RFWD3: variants seen among roughly 807,000 people sequenced by gnomAD.
The protein encoded by RFWD3 is ring finger and WD repeat domain 3, also known as E3 ubiquitin-protein ligase RFWD3.
RFWD3 carries 65 observed loss-of-function variants against 87.7 expected under a neutral mutation model. That is an observed-to-expected ratio of 0.74 (90% CI 0.61 to 0.91). The LOEUF is 0.91. RFWD3 is among the 40% of genes least tolerant of loss of function. The pLI, the probability that RFWD3 is intolerant of heterozygous loss-of-function variation, is 0.00. For synonymous variants in RFWD3, 433 were observed against 352.8 expected, an observed-to-expected ratio of 1.23 and a Z score of -2.55; for missense variants, 1,078 against 938.5, an observed-to-expected ratio of 1.15 and a Z score of -1.94.
chr16:74,650,132 A>C (rs1368315645), intron 3 of RFWD3, among the ~76,000 whole-genome samples: 1 of 152,224 alleles, frequency 6.6e-6, no homozygotes, highest in African/African-American at 2.4e-5. Context: ...CTGTTACATA[A>C]AACATTAAAA....
intron 6 of RFWD3, among the ~76,000 whole-genome samples, chr16:74,641,820 G>A (rs1348150034): frequency 6.7e-6 from 1 of 150,350 alleles, no homozygotes; most frequent in African/African-American, 2.4e-5. Context: ...CGGCTACTTG[G>A]GAGACTGAGG....
At chr16:74,657,931 G>A (rs555349299) in intron 2 of RFWD3, among the ~76,000 whole-genome samples, 9 of 152,198 alleles carry the variant, frequency 5.9e-5, no homozygotes, top group East Asian at 1.9e-4. Flanking sequence ...GTGTTGACAC[G>A]TATATCAATA....
Position 74,628,587 on chromosome 16 carries a change from A to G in RFWD3, c.1834T>C (p.Leu612=). The change falls in exon 11 of 13, where the codon TTG becomes CTG. Residue 612 remains leucine, a synonymous_variant. Transcript: ENST00000361070. Reference sequence around the variant, plus strand: ...TGTTCCCAGAATGAAGCATCCTCCAAGGTTCCAGCCAGCACCCCACCATAT... The same window carrying G: ...TGTTCCCAGAATGAAGCATCCTCCAGGGTTCCAGCCAGCACCCCACCATAT... The part of the protein sequence containing the change: ...FPYGGVLAGT[L]EDASFWEQKM... The G allele has an allele frequency of 6.2e-7, 1 of 1,614,188 alleles. No individual in the cohort carries two copies. The highest frequency in any genetic ancestry group is 8.5e-7 in the Non-Finnish European group (1 of 1,180,042).
intron 6 of RFWD3, among the ~76,000 whole-genome samples, chr16:74,641,432 G>C (rs1463952955): frequency 6.6e-6 from 1 of 150,516 alleles, no homozygotes; most frequent in African/African-American, 2.5e-5. Flanking sequence ...CAAAGTGCTG[G>C]GATTATAGGT....
Position 74,636,358 on chromosome 16 carries a change from A to T in RFWD3, c.1414T>A (p.Ser472Thr). The change falls in exon 8 of 13, where the codon TCT becomes ACT. Residue 472 changes from serine (S) to threonine (T), a missense_variant. Physicochemically the swap from Ser to Thr is moderately conservative, Grantham distance 58. Coordinates refer to ENST00000361070, the MANE Select transcript of RFWD3 (RefSeq NM_018124.4). ...LVISQPSPQA[S>T]FLPGFGVKML... ...CTAGACTCTTTACCTGGAAGAAAAG[A>T]GGCCTGAGGAGAAGGCTGTGATATC... 1 of 1,613,686 alleles carries T rather than the reference A, an allele frequency of 6.2e-7. No individual in the cohort carries two copies. Among genetic ancestry groups the T allele is most frequent in the South Asian group, 1.1e-5 (1 of 91,062 alleles).
chr16:74,643,824 C>T (rs913103457), intron 6 of RFWD3, among the ~76,000 whole-genome samples: 4 of 151,790 alleles, frequency 2.6e-5, no homozygotes, highest in East Asian at 3.9e-4. Context: ...TACAGGCGTC[C>T]GCCACTATGC....
At chr16:74,653,344 A>C (rs1228165516) in intron 2 of RFWD3, among the ~76,000 whole-genome samples, 1 of 151,920 alleles carries the variant, frequency 6.6e-6, no homozygotes, top group African/African-American at 2.4e-5. Context: ...TCAACAACAA[A>C]AAAACAAAAA....
chr16:74,631,094 T>C (rs1959079154), intron 9 of RFWD3, 137 bp from the exon 10 acceptor site: 1 of 714,524 alleles, frequency 1.4e-6, no homozygotes, highest in Non-Finnish European at 2.1e-6. Flanking sequence ...GGATTCCCTA[T>C]TTTTTCTAGA....
chr16:74,644,532 G>T lies in RFWD3; in HGVS notation c.987+9C>A, dbSNP rs1959948336. The T allele has an allele frequency of 6.2e-7, 1 of 1,614,088 alleles. No individual in the cohort carries two copies. Among genetic ancestry groups the T allele is most frequent in the Non-Finnish European group, 8.5e-7 (1 of 1,179,970 alleles). The stretch of plus-strand genomic sequence containing the variant: ...AACATGTTAATGTGTCCTTACCTAT[G>T]GTCCTTACCTGGGGACATTTTCGTA... On this transcript the variant is annotated intron_variant, in intron 5 of 12. Coordinates refer to ENST00000361070, the MANE Select transcript of RFWD3 (RefSeq NM_018124.4).
intron 10 of RFWD3, among the ~76,000 whole-genome samples, chr16:74,630,500 G>C (rs1597412375): frequency 6.6e-6 from 1 of 152,226 alleles, no homozygotes; most frequent in Admixed American, 6.5e-5. Flanking sequence ...CTAAGTAGTG[G>C]AGCTGGGTTC....
chr16:74,634,807 GA>G (rs200124008), intron 8 of RFWD3, among the ~76,000 whole-genome samples: 12 of 144,184 alleles, frequency 8.3e-5, no homozygotes, highest in South Asian at 2.5e-4. Context: ...AGCCAGAGAG[GA>G]AAAAAAAAGG....
Position 74,633,762 on chromosome 16 carries a change from C to A in RFWD3, c.1427-1089G>T, listed in dbSNP as rs547738261. Among the ~76,000 whole-genome samples the A allele has an allele frequency of 3.9e-5, 6 of 152,078 alleles. No homozygotes were observed. The East Asian group carries it at 1.2e-3, about 29-fold the overall frequency. On this transcript the variant is annotated intron_variant, in intron 8 of 12. Transcript: ENST00000361070. ...ATCATGAGTTCGAGACCAGCCTGGG[C>A]AATATGGTGAAACCCTGTTGCTACA...
intron 8 of RFWD3, among the ~76,000 whole-genome samples, chr16:74,635,002 C>T (rs1376009229): frequency 6.6e-6 from 1 of 151,990 alleles, no homozygotes; most frequent in African/African-American, 2.4e-5. Context: ...TAGGCATAGC[C>T]GGGCGCGGTG....
chr16:74,647,534 C>G (rs1239214128), intron 4 of RFWD3, among the ~76,000 whole-genome samples: 1 of 152,112 alleles, frequency 6.6e-6, no homozygotes, highest in Non-Finnish European at 1.5e-5. Flanking sequence ...GTGACTCACC[C>G]ACCTTGACTT....
Position 74,626,567 on chromosome 16 carries a change from G to A in RFWD3, c.1970-13C>T. The A allele has an allele frequency of 6.2e-7, 1 of 1,608,590 alleles. No individual in the cohort carries two copies. Among genetic ancestry groups the A allele is most frequent in the Non-Finnish European group, 8.5e-7 (1 of 1,175,134 alleles). On this transcript the variant is annotated splice_polypyrimidine_tract_variant and intron_variant, in intron 11 of 12. Coordinates refer to ENST00000361070, the MANE Select transcript of RFWD3 (RefSeq NM_018124.4). ...GTGTGATTTTTATCTATGGGACAGA[G>A]AAATCAGTGCTGCACCATGGGGACG...
chr16:74,624,904 G>A (rs1057084481), intron 12 of RFWD3, among the ~76,000 whole-genome samples: 9 of 152,154 alleles, frequency 5.9e-5, no homozygotes, highest in Non-Finnish European at 8.8e-5. Context: ...AAGGAGGATT[G>A]CTTAAGCTGA....
intron 4 of RFWD3, among the ~76,000 whole-genome samples, chr16:74,647,517 T>C (rs1369848528): frequency 6.6e-6 from 1 of 151,596 alleles, no homozygotes; most frequent in Non-Finnish European, 1.5e-5. Context: ...CAAACTCCTG[T>C]GCTCAGGTGA....
intron 1 of RFWD3, among the ~76,000 whole-genome samples, chr16:74,666,111 A>G: frequency 6.6e-6 from 1 of 152,088 alleles, no homozygotes; most frequent in South Asian, 2.1e-4. Flanking sequence ...GAGAGAGGGA[A>G]AGAAGGAAAT....
intron 4 of RFWD3, among the ~76,000 whole-genome samples, chr16:74,645,827 A>G (rs760259781): frequency 2.3e-5 from 3 of 131,254 alleles, no homozygotes; most frequent in Non-Finnish European, 4.6e-5. Flanking sequence ...ATCTCGGCTC[A>G]CTGCAAGTTC....
Sources: gnomAD v4.1 joint callset for allele counts (sites outside exome capture counted in the v4.1 genomes callset) on GRCh38, gnomAD v4.1.1 for gene constraint, MANE v1.5 for transcripts, NCBI Gene and HGNC (gene_info 2026-07-23, HGNC 2026-07-21) for gene names.